Variants in CDKL3 observed in about 807,000 individuals in gnomAD.
CDKL3 encodes cyclin-dependent kinase-like 3.
CDKL3 carries 65 observed loss-of-function variants against 69.3 expected under a neutral mutation model. The ratio of observed to expected loss-of-function variants is 0.94; its 90% CI spans 0.77 to 1.15. CDKL3 has a LOEUF of 1.15. Ranked by LOEUF, CDKL3 falls within the 50% of genes most tolerant of loss-of-function variation. CDKL3 has a pLI of 0.00. For synonymous variants in CDKL3, 202 were observed against 221.6 expected, an observed-to-expected ratio of 0.91 and a Z score of 0.79; for missense variants, 652 against 689.2, an observed-to-expected ratio of 0.95 and a Z score of 0.61.
chr5:134,347,432 A>C (rs1394306277), intron 4 of CDKL3, among the ~76,000 whole-genome samples: 1 of 152,198 alleles, frequency 6.6e-6, no homozygotes, highest in African/African-American at 2.4e-5. Context: ...ATATGTCCAT[A>C]CAAAAACAAG....
chr5:134,366,120 T>C (rs139495961), intron 2 of CDKL3, among the ~76,000 whole-genome samples: 131 of 152,322 alleles, frequency 8.6e-4, no homozygotes, highest in African/African-American at 2.8e-3. Context: ...TTTTATTAAG[T>C]ATTATACTTG....
intron 4 of CDKL3, among the ~76,000 whole-genome samples, chr5:134,337,201 G>C (rs1581088649): frequency 1.3e-5 from 2 of 152,314 alleles, no homozygotes; most frequent in Admixed American, 6.5e-5. Flanking sequence ...CAAAGACCAT[G>C]GGGAAAGCAC....
At chr5:134,344,042 A>C (rs1170907910) in intron 4 of CDKL3, among the ~76,000 whole-genome samples, 1 of 152,192 alleles carries the variant, frequency 6.6e-6, no homozygotes. Flanking sequence ...CAACACCATA[A>C]TGGGGAAAGA....
At chr5:134,345,313 C>T (rs1751585845) in intron 4 of CDKL3, among the ~76,000 whole-genome samples, 1 of 152,076 alleles carries the variant, frequency 6.6e-6, no homozygotes, top group Non-Finnish European at 1.5e-5. Flanking sequence ...TTAATAAAGA[C>T]ATAATATGGC....
chr5:134,367,304 A>C (rs1757688618), upstream of CDKL3: 1 of 980,900 alleles, frequency 1.0e-6, no homozygotes, highest in African/African-American at 1.8e-5. Context: ...GGGAGTACAG[A>C]TTGCTGTCGC....
At chr5:134,309,111 GT>G (rs1235621399) in intron 7 of CDKL3, among the ~76,000 whole-genome samples, 1 of 151,842 alleles carries the variant, frequency 6.6e-6, no homozygotes, top group Non-Finnish European at 1.5e-5. Context: ...TTGAGATGGA[GT>G]TTCGCTCTTG....
upstream of CDKL3, chr5:134,371,569 AGACT>A (rs1272028512): frequency 5.6e-6 from 9 of 1,607,458 alleles, no homozygotes; most frequent in South Asian, 5.5e-5. Context: ...TTTTTTTTTC[AGACT>A]GACCGCGGGG....
At chr5:134,326,168 G>T (rs910486455) in intron 4 of CDKL3, among the ~76,000 whole-genome samples, 1 of 151,952 alleles carries the variant, frequency 6.6e-6, no homozygotes, top group Non-Finnish European at 1.5e-5. Flanking sequence ...CCTACACAAA[G>T]CAGTTCACTT....
At chr5:134,318,109 C>T (rs961855435) in intron 6 of CDKL3, among the ~76,000 whole-genome samples, 1 of 151,590 alleles carries the variant, frequency 6.6e-6, no homozygotes, top group South Asian at 2.1e-4. Flanking sequence ...ATCCCAGCTA[C>T]TTGGGAGGCT....
chr5:134,334,262 G>A (rs1429176779), intron 4 of CDKL3, among the ~76,000 whole-genome samples: 1 of 152,078 alleles, frequency 6.6e-6, no homozygotes, highest in African/African-American at 2.4e-5. Flanking sequence ...CCAGCTCCTG[G>A]AATCATTGAT....
downstream of CDKL3, among the ~76,000 whole-genome samples, chr5:134,294,939 G>A (rs769254993): frequency 1.3e-5 from 2 of 151,012 alleles, no homozygotes; most frequent in African/African-American, 2.4e-5. Context: ...AAATATTGAG[G>A]AGGAAAATTA....
At chr5:134,307,732 T>C (rs1249344800) in intron 9 of CDKL3, among the ~76,000 whole-genome samples, 4 of 152,356 alleles carry the variant, frequency 2.6e-5, no homozygotes, top group African/African-American at 7.2e-5. Context: ...GAAAGGCTAT[T>C]TGACTTACGA....
chr5:134,361,310 T>C (rs1046406803), intron 2 of CDKL3, among the ~76,000 whole-genome samples: 1 of 151,938 alleles, frequency 6.6e-6, no homozygotes, highest in African/African-American at 2.4e-5. Flanking sequence ...GGTCTCGAAC[T>C]CCTGGCCTCA....
chr5:134,323,653 G>A (rs1773383242), intron 4 of CDKL3, among the ~76,000 whole-genome samples: 1 of 152,048 alleles, frequency 6.6e-6, no homozygotes, highest in African/African-American at 2.4e-5. Context: ...AAATAGTGCT[G>A]GAACATACAA....
At chr5:134,285,940 G>A (rs1320121345), downstream of CDKL3, among the ~76,000 whole-genome samples, 1 of 152,100 alleles carries the variant, frequency 6.6e-6, no homozygotes, top group Non-Finnish European at 1.5e-5. Context: ...TGGCCAACAT[G>A]GTGAAACCCC....
In CDKL3 at chr5:134,308,667, C is replaced by A. The variant is rs746851335; in HGVS notation, c.942G>T (p.Lys314Asn). 1 of 1,608,356 alleles carries A rather than the reference C, an allele frequency of 6.2e-7. No homozygotes were observed. Among genetic ancestry groups the A allele is most frequent in the Non-Finnish European group, 8.5e-7 (1 of 1,178,538 alleles). Reference protein sequence around the residue: ...LQEAKVNSLIKPKESSKENEL... With the variant: ...LQEAKVNSLINPKESSKENEL... Reference sequence around the variant, plus strand: ...CATTTTCTTTAGAACTCTCTTTTGGCTTTATTAATGAATTGACTTTTGCTT... The same window carrying A: ...CATTTTCTTTAGAACTCTCTTTTGGATTTATTAATGAATTGACTTTTGCTT... Residue 314 changes from lysine to asparagine, a missense_variant, in exon 8 of 13, where the codon AAG (lysine) becomes AAT (asparagine). Coordinates refer to ENST00000265334, the MANE Select transcript of CDKL3 (RefSeq NM_001113575.2).
intron 4 of CDKL3, among the ~76,000 whole-genome samples, chr5:134,345,743 A>C (rs968579454): frequency 6.6e-6 from 1 of 152,196 alleles, no homozygotes; most frequent in Non-Finnish European, 1.5e-5. Context: ...TCATCAGTTA[A>C]GGCAGGAACA....
At position 134,359,578 on chromosome 5, in the gene CDKL3, CCTGA is replaced by C. The variant is rs1292687331; in HGVS notation, c.360+315_360+318del. ...GAGCAACTCTCCATTAAGCCACAGA[CCTGA>C]CTTTCAATGTTTTAATATACTTTCT... On this transcript the variant is annotated intron_variant, in intron 3 of 12. Coordinates refer to ENST00000265334, the MANE Select transcript of CDKL3 (RefSeq NM_001113575.2). 2.6e-5 allele frequency among the ~76,000 whole-genome samples: 4 copies of C among 152,028 alleles called. No homozygotes were observed. In the East Asian group the frequency reaches 7.7e-4, roughly 29 times the overall value.
chr5:134,326,815 GTGTATATATA>G (rs1561562510), intron 4 of CDKL3, among the ~76,000 whole-genome samples: 1 of 81,528 alleles, frequency 1.2e-5, no homozygotes, highest in Non-Finnish European at 2.2e-5. Context: ...ATATATGTGT[GTGTATATATA>G]TATATATATA....
Sources: gnomAD v4.1 joint callset for allele counts (sites outside exome capture counted in the v4.1 genomes callset) on GRCh38, gnomAD v4.1.1 for gene constraint, MANE v1.5 for transcripts, NCBI Gene and HGNC (gene_info 2026-07-23, HGNC 2026-07-21) for gene names.